SLC39A11: variants seen among roughly 807,000 people sequenced by gnomAD.
SLC39A11 encodes the protein solute carrier family 39 member 11, also known as zinc transporter ZIP11.
SLC39A11 carries 33 observed loss-of-function variants against 36.1 expected under a neutral mutation model. That is an observed-to-expected ratio of 0.91 (90% confidence interval 0.69 to 1.22). The LOEUF is 1.22. Ranked by LOEUF, SLC39A11 falls within the 50% of genes most tolerant of loss-of-function variation. SLC39A11 has a pLI of 0.00. For missense variants in SLC39A11, 432 were observed against 430.3 expected (o/e 1.00, Z -0.03); for synonymous variants, 166 against 170.3 (o/e 0.97, Z 0.20).
At chr17:72,843,787 G>T (rs892373279) in intron 6 of SLC39A11, among the ~76,000 whole-genome samples, 1 of 152,102 alleles carries the variant, frequency 6.6e-6, no homozygotes, top group Non-Finnish European at 1.5e-5. Context: ...AGATTCACAG[G>T]ACAACTGTGA....
intron 7 of SLC39A11, among the ~76,000 whole-genome samples, chr17:72,676,852 G>A (rs186719601): frequency 1.3e-5 from 2 of 152,278 alleles, no homozygotes; most frequent in African/African-American, 4.8e-5. Flanking sequence ...AGCTTCTCTG[G>A]TCGACAGTAT....
intron 4 of SLC39A11, among the ~76,000 whole-genome samples, chr17:72,964,061 T>G (rs1476872229): frequency 6.7e-6 from 1 of 150,060 alleles, no homozygotes; most frequent in East Asian, 2.0e-4. Context: ...GTGGCTCTGC[T>G]AGTGGCGCCC....
At chr17:72,675,471 C>T (rs903325440) in intron 7 of SLC39A11, among the ~76,000 whole-genome samples, 1 of 152,160 alleles carries the variant, frequency 6.6e-6, no homozygotes, top group African/African-American at 2.4e-5. Flanking sequence ...TTTGGTAGCC[C>T]AAATGGACTA....
At chr17:73,030,681 C>G (rs542853810) in intron 4 of SLC39A11, among the ~76,000 whole-genome samples, 1 of 152,358 alleles carries the variant, frequency 6.6e-6, no homozygotes, top group East Asian at 1.9e-4. Context: ...TCTGCCATCT[C>G]TAGAACTTGT....
Position 72,891,908 on chromosome 17 carries a change from G to C in SLC39A11, c.431-42104C>G, listed in dbSNP as rs140766091. 2.1e-3 allele frequency among the ~76,000 whole-genome samples: 322 copies of C among 151,342 alleles called. 2 individuals are homozygous for C. Among genetic ancestry groups the C allele is most frequent in the South Asian group, 3.6e-3 (17 of 4,774 alleles). On this transcript the variant is annotated intron_variant, in intron 5 of 9. Transcript: ENST00000255559. ...TCTCCTCCACTAACTCATGAGCCTG[G>C]GGCATTACTGTTCTGTGCTATGCAC...
At chr17:72,822,066 C>T (rs933579763) in intron 6 of SLC39A11, 2 of 151,266 alleles carry the variant, frequency 1.3e-5, no homozygotes, top group Non-Finnish European at 3.0e-5. Flanking sequence ...CCATTTCTCC[C>T]TGGGCGGCCA....
chr17:72,979,219 C>G (rs1255981601), intron 4 of SLC39A11, among the ~76,000 whole-genome samples: 1 of 152,150 alleles, frequency 6.6e-6, no homozygotes, highest in South Asian at 2.1e-4. Flanking sequence ...GAAGAAGCTA[C>G]TTTTTCCCCT....
At chr17:72,918,900 T>C (rs1233740673) in intron 5 of SLC39A11, among the ~76,000 whole-genome samples, 3 of 151,766 alleles carry the variant, frequency 2.0e-5, no homozygotes, top group African/African-American at 4.8e-5. Flanking sequence ...CCATCTCTAC[T>C]AAAAATACAA....
chr17:72,731,550 T>A (rs202178693), intron 7 of SLC39A11, among the ~76,000 whole-genome samples: 3 of 143,290 alleles, frequency 2.1e-5, no homozygotes, highest in African/African-American at 5.2e-5. Context: ...TTTTTTTTTT[T>A]AAATAAACCT....
chr17:72,716,707 G>T (rs1244036674), intron 7 of SLC39A11, among the ~76,000 whole-genome samples: 1 of 152,114 alleles, frequency 6.6e-6, no homozygotes, highest in Non-Finnish European at 1.5e-5. Flanking sequence ...GGTGGCTCAC[G>T]CCTGTAATCC....
At chr17:72,855,697 C>A (rs1176255889) in intron 5 of SLC39A11, among the ~76,000 whole-genome samples, 2 of 152,030 alleles carry the variant, frequency 1.3e-5, no homozygotes, top group Non-Finnish European at 2.9e-5. Context: ...AAGATCGAGA[C>A]CATCCTGGCT....
chr17:72,953,487 C>A (rs2086014736), intron 4 of SLC39A11, among the ~76,000 whole-genome samples: 1 of 152,122 alleles, frequency 6.6e-6, no homozygotes, highest in Non-Finnish European at 1.5e-5. Context: ...AAATAAAATC[C>A]TGGGGCTGTG....
rs141819496 is a variant in SLC39A11 at position 72,797,259 on chromosome 17, T to A, written c.601+52375A>T. ...TAATAATAATAAATAATAGTAGCCA[T>A]GTCCCTGAGGAATGCCAACCCATCT... On this transcript the variant is annotated intron_variant, in intron 6 of 9. Coordinates refer to ENST00000255559, the MANE Select transcript of SLC39A11 (RefSeq NM_139177.4). 2.3e-3 allele frequency among the ~76,000 whole-genome samples: 349 copies of A among 152,226 alleles called. 1 individual carries two copies. Among genetic ancestry groups the A allele is most frequent in the Non-Finnish European group, 4.1e-3 (278 of 68,018 alleles).
intron 5 of SLC39A11, among the ~76,000 whole-genome samples, chr17:72,939,035 C>A (rs2084931987): frequency 6.6e-6 from 1 of 152,162 alleles, no homozygotes. Flanking sequence ...TTGTATAAGA[C>A]AAACATGGCG....
intron 5 of SLC39A11, among the ~76,000 whole-genome samples, chr17:72,852,798 T>G (rs1014469936): frequency 3.9e-5 from 6 of 152,158 alleles, no homozygotes; most frequent in Non-Finnish European, 8.8e-5. Context: ...GATTTCAAGC[T>G]CACAAATGCT....
At chr17:72,919,418 G>A (rs567283632) in intron 5 of SLC39A11, among the ~76,000 whole-genome samples, 11 of 152,070 alleles carry the variant, frequency 7.2e-5, no homozygotes, top group African/African-American at 1.4e-4. Flanking sequence ...CAGCAACAAC[G>A]ATGAATAGCG....
At chr17:73,019,308 T>C (rs1046257096) in intron 4 of SLC39A11, among the ~76,000 whole-genome samples, 2 of 152,176 alleles carry the variant, frequency 1.3e-5, no homozygotes, top group African/African-American at 4.8e-5. Context: ...TATGAAGACT[T>C]TTTCTCACTT....
At chr17:72,786,288 T>C (rs184872255) in intron 6 of SLC39A11, among the ~76,000 whole-genome samples, 7 of 152,340 alleles carry the variant, frequency 4.6e-5, no homozygotes, top group African/African-American at 1.4e-4. Context: ...CTATTCTTAG[T>C]TAATACTGTA....
chr17:72,828,573 G>A (rs937579378), intron 6 of SLC39A11, among the ~76,000 whole-genome samples: 1 of 152,220 alleles, frequency 6.6e-6, no homozygotes, highest in Non-Finnish European at 1.5e-5. Flanking sequence ...CAGAGCCTGT[G>A]TGCTTAACTA....
Sources: gnomAD v4.1 joint callset for allele counts (sites outside exome capture counted in the v4.1 genomes callset) on GRCh38, gnomAD v4.1.1 for gene constraint, MANE v1.5 for transcripts, NCBI Gene and HGNC (gene_info 2026-07-23, HGNC 2026-07-21) for gene names.